The following MGAT5 variants were observed in gnomAD, a reference collection of about 807,000 sequenced individuals.
MGAT5 encodes the protein alpha-1,6-mannosylglycoprotein 6-beta-N-acetylglucosaminyltransferase A.
MGAT5 carries 30 observed loss-of-function variants against 94.3 expected under a neutral mutation model. The ratio of observed to expected loss-of-function variants is 0.32; its 90% CI spans 0.24 to 0.43. The LOEUF is 0.43. MGAT5 is among the 20% of genes least tolerant of loss of function. The probability of loss-of-function intolerance (pLI) is 1.00; values close to 1 mark genes in which losing one functional copy is unlikely to be tolerated. For missense variants in MGAT5, 691 were observed against 905.5 expected (o/e 0.76, Z 3.04); for synonymous variants, 310 against 322.9 (o/e 0.96, Z 0.43).
At chr2:134,429,308 G>A (rs1311550539) in intron 14 of MGAT5, among the ~76,000 whole-genome samples, 1 of 152,222 alleles carries the variant, frequency 6.6e-6, no homozygotes, top group Non-Finnish European at 1.5e-5. Context: ...AAACTGTGGC[G>A]AGCAGCCAGC....
Position 134,453,140 on chromosome 2 carries a change from G to A in MGAT5, c.*4293G>A, listed in dbSNP as rs145994965. ...CGTAAAACTTGAGAAATAGAGCTGA[G>A]CTCATTCCCTTCCTGTTGATTCAAA... On this transcript the variant is annotated 3_prime_UTR_variant, in exon 16 of 16. Transcript: ENST00000281923. The A allele has an allele frequency of 2.0e-5, 3 of 152,326 alleles. No homozygotes were observed. Among genetic ancestry groups the A allele is most frequent in the Non-Finnish European group, 2.9e-5 (2 of 68,028 alleles). The allele number at this position is 152,326 out of a possible 1,614,324, so 9.4% of individuals were successfully genotyped here.
intron 2 of MGAT5, among the ~76,000 whole-genome samples, chr2:134,304,056 C>A (rs1182805324): frequency 2.0e-5 from 3 of 152,144 alleles, no homozygotes; most frequent in Admixed American, 6.5e-5. Flanking sequence ...TCTGCTATTG[C>A]CAATGCATAG....
intron 11 of MGAT5, among the ~76,000 whole-genome samples, chr2:134,404,637 T>C (rs949198813): frequency 6.6e-6 from 1 of 152,244 alleles, no homozygotes; most frequent in Non-Finnish European, 1.5e-5. Flanking sequence ...ATCTCCTCTT[T>C]GCCTCAGTTT....
chr2:134,401,573 C>T (rs1352095387), intron 10 of MGAT5, among the ~76,000 whole-genome samples: 1 of 152,172 alleles, frequency 6.6e-6, no homozygotes, highest in Non-Finnish European at 1.5e-5. Flanking sequence ...ACATCTAGCA[C>T]AAGAACCATA....
In MGAT5 at chr2:134,416,492, C is replaced by T. The variant is rs565068828; in HGVS notation, c.1677+3477C>T. Among the ~76,000 whole-genome samples, 25 of 116,248 alleles carry T rather than the reference C, an allele frequency of 2.2e-4. No individual in the cohort carries two copies. In the South Asian group the frequency reaches 3.1e-3, roughly 14 times the overall value. 76.3% of individuals were successfully genotyped at this position (116,248 alleles called of 152,430 possible). ...TTCCTTACTTTTTTTTTTTGGAGAC[C>T]GGGTCTTGCTCTGCCACCCAGGCTG... On this transcript the variant is annotated intron_variant, in intron 12 of 15. Coordinates refer to ENST00000281923, the MANE Select transcript of MGAT5 (RefSeq NM_002410.5).
chr2:134,301,668 T>G (rs1039107146), intron 2 of MGAT5, among the ~76,000 whole-genome samples: 1 of 152,152 alleles, frequency 6.6e-6, no homozygotes, highest in African/African-American at 2.4e-5. Flanking sequence ...GTTTAACATT[T>G]TCTGTAACGC....
At chr2:134,261,935 C>T (rs1361375462) in intron 1 of MGAT5, among the ~76,000 whole-genome samples, 2 of 152,222 alleles carry the variant, frequency 1.3e-5, no homozygotes, top group Non-Finnish European at 2.9e-5. Flanking sequence ...CCTATGGGCT[C>T]TGCATCTAAG....
chr2:134,192,027 C>T (rs1010573747), intron 1 of MGAT5, among the ~76,000 whole-genome samples: 4 of 145,250 alleles, frequency 2.8e-5, no homozygotes, highest in Admixed American at 1.4e-4. Context: ...GAGCGGGTTC[C>T]TGATTGAAGG....
In MGAT5 at chr2:134,449,594, C is replaced by T. The variant is rs1004592292; in HGVS notation, c.*747C>T. 6.6e-6 allele frequency: 1 copy of T among 152,272 alleles called. No individual in the cohort carries two copies. The highest frequency in any genetic ancestry group is 1.5e-5 in the Non-Finnish European group (1 of 68,142). The allele number at this position is 152,272 out of a possible 1,614,324, so 9.4% of individuals were successfully genotyped here. On this transcript the variant is annotated 3_prime_UTR_variant, in exon 16 of 16. Coordinates refer to ENST00000281923, the MANE Select transcript of MGAT5 (RefSeq NM_002410.5). ...CCAGGGACGAAAAAGGAGATGAGGCCCCTTTCCTCCATGTCCCCATGCCCA... is the reference window on the plus strand; with the variant it reads ...CCAGGGACGAAAAAGGAGATGAGGCTCCTTTCCTCCATGTCCCCATGCCCA...
intron 10 of MGAT5, among the ~76,000 whole-genome samples, chr2:134,367,318 A>G (rs1680494220): frequency 6.6e-6 from 1 of 152,230 alleles, no homozygotes; most frequent in African/African-American, 2.4e-5. Context: ...CCTATGAGGA[A>G]ATGGAAAATA....
intron 10 of MGAT5, among the ~76,000 whole-genome samples, chr2:134,368,687 A>G (rs1043838045): frequency 6.6e-6 from 1 of 152,224 alleles, no homozygotes. Flanking sequence ...AGACTCTCCA[A>G]TGACTTCATT....
intron 10 of MGAT5, among the ~76,000 whole-genome samples, chr2:134,397,442 T>C (rs1298525296): frequency 6.6e-6 from 1 of 151,986 alleles, no homozygotes; most frequent in African/African-American, 2.4e-5. Context: ...GCCTGGACTC[T>C]CCCCAAAGGC....
At chr2:134,200,877 T>C (rs936521761) in intron 1 of MGAT5, among the ~76,000 whole-genome samples, 1 of 152,008 alleles carries the variant, frequency 6.6e-6, no homozygotes, top group Non-Finnish European at 1.5e-5. Flanking sequence ...TAAAAAAAAT[T>C]AGCCCAGTGT....
chr2:134,249,656 A>G (rs931991662), upstream of MGAT5, among the ~76,000 whole-genome samples: 1 of 152,228 alleles, frequency 6.6e-6, no homozygotes, highest in Non-Finnish European at 1.5e-5. Context: ...GTTGATGCAC[A>G]TTAGGCTGGT....
At chr2:134,178,391 G>A (rs1688578901) in intron 1 of MGAT5, among the ~76,000 whole-genome samples, 1 of 152,146 alleles carries the variant, frequency 6.6e-6, no homozygotes, top group African/African-American at 2.4e-5. Flanking sequence ...GGGTGGTGGG[G>A]GTGGCAGCTG....
chr2:134,280,630 G>C (rs1300009251), intron 2 of MGAT5, among the ~76,000 whole-genome samples: 5 of 152,236 alleles, frequency 3.3e-5, no homozygotes, highest in African/African-American at 1.2e-4. Context: ...TGGACACCCA[G>C]TGAAGGACTT....
intron 1 of MGAT5, among the ~76,000 whole-genome samples, chr2:134,175,110 G>A (rs1213119204): frequency 6.6e-6 from 1 of 152,244 alleles, no homozygotes; most frequent in Non-Finnish European, 1.5e-5. Flanking sequence ...GTGTGGAGCA[G>A]CAGAGCAGTG....
At position 134,166,200 on chromosome 2, in the gene MGAT5, G is replaced by A. The variant is rs1203106942; in HGVS notation, c.-143+45909G>A. Among the ~76,000 whole-genome samples the A allele has an allele frequency of 2.0e-5, 3 of 152,216 alleles. No individual in the cohort carries two copies. The East Asian group carries it at 5.8e-4, about 29-fold the overall frequency. On this transcript the variant is annotated intron_variant, in intron 1 of 16. Transcript: ENST00000409645. ...TGCTGAGATGATCGCAGAGACAGTT[G>A]AGAGAAGACAAGGAGAAAGGTGTGA... is the stretch of plus-strand genomic sequence containing the variant.
chr2:134,202,767 A>G (rs531530583), intron 1 of MGAT5, among the ~76,000 whole-genome samples: 2 of 152,242 alleles, frequency 1.3e-5, no homozygotes, highest in East Asian at 1.9e-4. Flanking sequence ...TTTAACCACT[A>G]TTTTCTAATG....
Sources: allele counts gnomAD v4.1 joint callset (sites outside exome capture counted in the v4.1 genomes callset), GRCh38; gene constraint gnomAD v4.1.1; transcripts MANE v1.5; gene names NCBI Gene and HGNC (gene_info 2026-07-23, HGNC 2026-07-21).